Variants in GTPBP10 observed in about 807,000 individuals in gnomAD.
GTPBP10 encodes GTP-binding protein 10.
Under a neutral mutation model 44.8 loss-of-function variants are expected in GTPBP10, and 38 were observed. That is an observed-to-expected ratio of 0.85 (90% CI 0.65 to 1.11). The LOEUF is 1.11. GTPBP10 is among the 50% of genes most tolerant of loss of function. The pLI is 0.00. For missense variants in GTPBP10, 462 were observed against 453.7 expected (o/e 1.02, Z -0.17); for synonymous variants, 152 against 150.6 (o/e 1.01, Z -0.07).
chr7:90,356,649 T>C (rs1483752578), intron 4 of GTPBP10, among the ~76,000 whole-genome samples: 1 of 152,198 alleles, frequency 6.6e-6, no homozygotes, highest in African/African-American at 2.4e-5. Flanking sequence ...TCTTTTCTTT[T>C]CTCTCATTCT....
intron 7 of GTPBP10, 55 bp from the exon 8 acceptor site, chr7:90,378,079 T>G: frequency 6.5e-7 from 1 of 1,534,746 alleles, no homozygotes; most frequent in African/African-American, 1.4e-5. Context: ...AACATAGAAA[T>G]GTATAGCTAT....
chr7:90,373,521 G>T (rs1485038825), intron 5 of GTPBP10, among the ~76,000 whole-genome samples: 1 of 152,198 alleles, frequency 6.6e-6, no homozygotes, highest in South Asian at 2.1e-4. Context: ...GTGAAGTTTG[G>T]ACTAAGTGCT....
In GTPBP10 at chr7:90,384,942, T is replaced by C. The variant is rs748062317; in HGVS notation, c.952T>C (p.Phe318Leu). 2 of 1,612,180 alleles carry C rather than the reference T, an allele frequency of 1.2e-6. No homozygotes were observed. The highest frequency in any genetic ancestry group is 1.7e-6 in the Non-Finnish European group (2 of 1,178,596). ...KNMIPERTVE[F>L]QHIIPISAVT... ...CATGATTCCAGAGAGGACTGTAGAG[T>C]TCCAACATATCATCCCCATATCTGC... The change falls in exon 10 of 10, where the codon TTC becomes CTC. Residue 318 changes from phenylalanine (F) to leucine (L), a missense_variant. Coordinates refer to ENST00000222511, the MANE Select transcript of GTPBP10 (RefSeq NM_033107.4).
rs755421740 is a variant in GTPBP10, at chr7:90,382,942, C to T, written c.778-14C>T. The T allele has an allele frequency of 6.8e-7, 1 of 1,480,192 alleles. No homozygotes were observed. The highest frequency in any genetic ancestry group is 2.3e-5 in the East Asian group (1 of 42,632). The allele number at this position is 1,480,192 out of a possible 1,614,324, so 91.7% of individuals were successfully genotyped here. ...CAGTACTAAAATTATTGGGTTTTCT[C>T]TTTTGATTTAAAGGAGTTGGAATTG... is the stretch of plus-strand genomic sequence containing the variant. On this transcript the variant is annotated splice_polypyrimidine_tract_variant and intron_variant, in intron 8 of 9. Transcript: ENST00000222511.
Position 90,346,769 on chromosome 7 carries a change from A to T in GTPBP10, c.28A>T (p.Arg10Ter), listed in dbSNP as rs1316219742. The T allele has an allele frequency of 6.2e-7, 1 of 1,614,204 alleles. No individual in the cohort carries two copies. The highest frequency in any genetic ancestry group is 1.7e-5 in the Admixed American group (1 of 60,020). Residue 10 changes from arginine to a stop codon, truncating the protein, a stop_gained, in exon 1 of 10, where the codon AGA becomes TGA. Coordinates refer to ENST00000222511, the MANE Select transcript of GTPBP10 (RefSeq NM_033107.4). LOFTEE classifies it high-confidence loss of function. MVHCSCVLF[R>*]KYGNFIDKLR... ...GGTGCATTGCAGTTGCGTGTTGTTC[A>T]GAAAGGTCCGTGCGGGTCCCCTCAG...
chr7:90,353,230 C>T (rs1257784838), intron 2 of GTPBP10: 3 of 381,608 alleles, frequency 7.9e-6, no homozygotes, highest in Non-Finnish European at 1.4e-5. Flanking sequence ...CAATGTCTAT[C>T]TGTATTCTTT....
At chr7:90,376,015 A>G (rs184626117) in intron 6 of GTPBP10, among the ~76,000 whole-genome samples, 266 of 151,654 alleles carry the variant, frequency 1.8e-3, no homozygotes, top group African/African-American at 6.1e-3. Context: ...TCACGAGGTT[A>G]GGAGATCGAG....
intron 4 of GTPBP10, among the ~76,000 whole-genome samples, chr7:90,361,909 T>G (rs1226064928): frequency 6.6e-6 from 1 of 152,264 alleles, no homozygotes; most frequent in Non-Finnish European, 1.5e-5. Context: ...TTTTCTAGTT[T>G]ATTTGCATAG....
intron 8 of GTPBP10, among the ~76,000 whole-genome samples, chr7:90,380,185 T>C (rs1266615373): frequency 6.6e-6 from 1 of 151,718 alleles, no homozygotes; most frequent in Non-Finnish European, 1.5e-5. Context: ...TTCAAGTGAT[T>C]CTCCAGCCTC....
Position 90,384,818 on chromosome 7 carries a change from T to G in GTPBP10, c.902-74T>G, listed in dbSNP as rs1228183226. 10 of 1,443,872 alleles carry G rather than the reference T, an allele frequency of 6.9e-6. No individual in the cohort carries two copies. In the African/African-American group the frequency reaches 1.0e-4, roughly 14 times the overall value. The allele number at this position is 1,443,872 out of a possible 1,614,324, so 89.4% of individuals were successfully genotyped here. A position where few individuals can be genotyped will look rare whatever the true frequency, so the allele number is the denominator to read the frequency against. The stretch of plus-strand genomic sequence containing the variant: ...TGGTGTTGGTTCCCTGCTTCACAAA[T>G]CAAACCATTAACATGGTTTTAACTA... On this transcript the variant is annotated intron_variant, in intron 9 of 9. Transcript: ENST00000222511.
chr7:90,358,809 A>T (rs1044184394), intron 4 of GTPBP10, among the ~76,000 whole-genome samples: 1 of 152,202 alleles, frequency 6.6e-6, no homozygotes, highest in Non-Finnish European at 1.5e-5. Context: ...TCAACAGAGT[A>T]AACAGCCTAC....
intron 4 of GTPBP10, among the ~76,000 whole-genome samples, chr7:90,358,663 A>G (rs753428057): frequency 7.9e-5 from 12 of 152,230 alleles, no homozygotes; most frequent in African/African-American, 2.4e-4. Context: ...TAAAAATTCT[A>G]CAACACTTAG....
chr7:90,380,583 G>A (rs1796420030), intron 8 of GTPBP10, among the ~76,000 whole-genome samples: 1 of 152,114 alleles, frequency 6.6e-6, no homozygotes, highest in South Asian at 2.1e-4. Context: ...TTGGATATAT[G>A]TTTACCTTGT....
At position 90,384,947 on chromosome 7, in the gene GTPBP10, A is replaced by C; in HGVS notation, c.957A>C (p.Gln319His). 1 of 1,612,506 alleles carries C rather than the reference A, an allele frequency of 6.2e-7. No homozygotes were observed. The highest frequency in any genetic ancestry group is 8.5e-7 in the Non-Finnish European group (1 of 1,178,634). ...NMIPERTVEF[Q>H]HIIPISAVTG... is the part of the protein sequence containing the mutation. ...TTCCAGAGAGGACTGTAGAGTTCCA[A>C]CATATCATCCCCATATCTGCAGTTA... The change falls in exon 10 of 10, where the codon CAA (glutamine) becomes CAC (histidine). Residue 319 changes from glutamine to histidine, a missense_variant. Physicochemically the swap from Gln to His is conservative, Grantham distance 24 (BLOSUM62 0). Coordinates refer to ENST00000222511, the MANE Select transcript of GTPBP10 (RefSeq NM_033107.4).
chr7:90,377,065 AT>A (rs1290949799), intron 6 of GTPBP10, among the ~76,000 whole-genome samples: 1 of 152,064 alleles, frequency 6.6e-6, no homozygotes, highest in Admixed American at 6.6e-5. Flanking sequence ...CTCTACTAAA[AT>A]TTTTTTAGTT....
At position 90,388,827 on chromosome 7, in the gene GTPBP10, A is replaced by G. The variant is rs1278828118; in HGVS notation, c.*3673A>G. 3 of 152,202 alleles carry G rather than the reference A, an allele frequency of 2.0e-5. No homozygotes were observed. Among genetic ancestry groups the G allele is most frequent in the Non-Finnish European group, 4.4e-5 (3 of 68,028 alleles). The allele number at this position is 152,202 out of a possible 1,614,324, so 9.4% of individuals were successfully genotyped here. A position where few individuals can be genotyped will look rare whatever the true frequency, so the allele number is the denominator to read the frequency against. ...TGCCGAAAAATGTACATAAACACAT[A>G]AACTATTTTCCAAGCAGTTTCACAG... On this transcript the variant is annotated 3_prime_UTR_variant, in exon 10 of 10. Transcript: ENST00000222511.
In GTPBP10 at chr7:90,388,026, T is replaced by C. The variant is rs1796554494; in HGVS notation, c.*2872T>C. 6.6e-6 allele frequency: 1 copy of C among 152,200 alleles called. No homozygotes were observed. Among genetic ancestry groups the C allele is most frequent in the South Asian group, 2.1e-4 (1 of 4,824 alleles). 9.4% of individuals were successfully genotyped at this position (152,200 alleles called of 1,614,324 possible). A position where few individuals can be genotyped will look rare whatever the true frequency, so the allele number is the denominator to read the frequency against. The stretch of plus-strand genomic sequence containing the variant: ...TAGATGTGTGTTCAGGATTATTTGC[T>C]CTGTCAGTAGTGCCCAGGGTGCCAC... On this transcript the variant is annotated 3_prime_UTR_variant, in exon 10 of 10. Coordinates refer to ENST00000222511, the MANE Select transcript of GTPBP10 (RefSeq NM_033107.4).
intron 4 of GTPBP10, among the ~76,000 whole-genome samples, chr7:90,358,184 A>G (rs1269233814): frequency 2.0e-5 from 3 of 152,190 alleles, no homozygotes; most frequent in Non-Finnish European, 2.9e-5. Flanking sequence ...CCCTTTTACA[A>G]TAGCTACAAA....
At chr7:90,352,701 T>C in intron 1 of GTPBP10, 115 bp from the exon 2 acceptor site, 1 of 685,664 alleles carries the variant, frequency 1.5e-6, no homozygotes, top group Non-Finnish European at 2.3e-6. Flanking sequence ...AATTGGCATG[T>C]GAAAAGCTAT....
Sources: gnomAD v4.1 joint callset for allele counts (sites outside exome capture counted in the v4.1 genomes callset) on GRCh38, gnomAD v4.1.1 for gene constraint, MANE v1.5 for transcripts, NCBI Gene and HGNC (gene_info 2026-07-23, HGNC 2026-07-21) for gene names.